The following SHROOM3 variants were observed in gnomAD, a reference collection of about 807,000 sequenced individuals.
SHROOM3 encodes shroom family member 3.
A neutral mutation model predicts 138.6 loss-of-function variants in SHROOM3; 47 were observed. The observed-to-expected ratio is 0.34, with a 90% CI of 0.27 to 0.43. The LOEUF is 0.43. SHROOM3 is among the 20% of genes least tolerant of loss of function. The pLI is 1.00. For synonymous variants in SHROOM3, 1,062 were observed against 1,063.3 expected (o/e 1.00, Z 0.02); for missense variants, 2,491 against 2,596.5 (o/e 0.96, Z 0.88).
At chr4:76,670,674 C>G (rs1266073775) in intron 2 of SHROOM3, among the ~76,000 whole-genome samples, 1 of 152,156 alleles carries the variant, frequency 6.6e-6, no homozygotes, top group Non-Finnish European at 1.5e-5. Context: ...GAGATTTTGG[C>G]TAGGTGCAGT....
chr4:76,711,398 C>T (rs1321203304), intron 3 of SHROOM3, among the ~76,000 whole-genome samples: 2 of 152,196 alleles, frequency 1.3e-5, no homozygotes, highest in African/African-American at 4.8e-5. Flanking sequence ...ATCTTGATTT[C>T]AGTTTGGGAA....
chr4:76,531,955 C>T (rs903876610), intron 1 of SHROOM3, among the ~76,000 whole-genome samples: 1 of 149,212 alleles, frequency 6.7e-6, no homozygotes, highest in Admixed American at 6.8e-5. Flanking sequence ...ATGTGCACAA[C>T]GTGCAGGTTT....
chr4:76,458,374 T>C (rs145406418), intron 1 of SHROOM3, among the ~76,000 whole-genome samples: 77 of 152,302 alleles, frequency 5.1e-4, no homozygotes, highest in African/African-American at 1.7e-3. Context: ...TTTTCCTCTT[T>C]TGTATCTTTT....
chr4:76,592,866 T>C (rs1734302861), intron 2 of SHROOM3, among the ~76,000 whole-genome samples: 1 of 152,124 alleles, frequency 6.6e-6, no homozygotes, highest in Non-Finnish European at 1.5e-5. Context: ...ATAATGAAAA[T>C]AAGGAGTCAA....
At chr4:76,640,452 A>T (rs1307422534) in intron 2 of SHROOM3, among the ~76,000 whole-genome samples, 1 of 152,168 alleles carries the variant, frequency 6.6e-6, no homozygotes, top group African/African-American at 2.4e-5. Context: ...TGCCAAATCC[A>T]TTCTAAATAT....
intron 9 of SHROOM3, among the ~76,000 whole-genome samples, chr4:76,762,316 T>G (rs1722012855): frequency 1.3e-5 from 2 of 152,228 alleles, no homozygotes; most frequent in South Asian, 4.1e-4. Flanking sequence ...AGTATGCAAA[T>G]GTTGATGGCA....
Position 76,459,610 on chromosome 4 carries a change from G to A in SHROOM3, c.168+23390G>A, listed in dbSNP as rs561578827. On this transcript the variant is annotated intron_variant, in intron 1 of 10. Coordinates refer to ENST00000296043, the MANE Select transcript of SHROOM3 (RefSeq NM_020859.4). ...AGGAAAATCTCGCACAGCCAGATAT[G>A]GCGCCATGGGTCACTTTTTCCTTTC... Among the ~76,000 whole-genome samples, 4 of 152,250 alleles carry A rather than the reference G, an allele frequency of 2.6e-5. No individual in the cohort carries two copies. The East Asian group carries it at 7.7e-4, about 29-fold the overall frequency.
intron 2 of SHROOM3, among the ~76,000 whole-genome samples, chr4:76,576,789 C>CA (rs1348721529): frequency 6.6e-6 from 1 of 151,482 alleles, no homozygotes; most frequent in African/African-American, 2.4e-5. Flanking sequence ...TTTATAACCA[C>CA]AAAAATTAAA....
chr4:76,695,761 G>A (rs1163307967), intron 2 of SHROOM3, among the ~76,000 whole-genome samples: 1 of 152,144 alleles, frequency 6.6e-6, no homozygotes, highest in Non-Finnish European at 1.5e-5. Flanking sequence ...AGATACTCTG[G>A]ATTATTGGTC....
chr4:76,485,798 G>T (rs28682543), intron 1 of SHROOM3, among the ~76,000 whole-genome samples: 2,134 of 152,272 alleles, frequency 0.014, 52 homozygotes, highest in African/African-American at 0.049. Flanking sequence ...AGTAGATACA[G>T]GGATGTTTCC....
chr4:76,691,374 C>CA (rs1577976380), intron 2 of SHROOM3, among the ~76,000 whole-genome samples: 2 of 152,136 alleles, frequency 1.3e-5, no homozygotes, highest in East Asian at 3.9e-4. Flanking sequence ...TAGAATTCCT[C>CA]AATTTTGACC....
intron 2 of SHROOM3, among the ~76,000 whole-genome samples, chr4:76,683,848 T>A (rs2110104474): frequency 6.6e-6 from 1 of 152,344 alleles, no homozygotes; most frequent in East Asian, 1.9e-4. Context: ...TTCTTGTTTT[T>A]AAAAAATCCT....
At chr4:76,648,392 A>G (rs761726890) in intron 2 of SHROOM3, among the ~76,000 whole-genome samples, 1 of 152,242 alleles carries the variant, frequency 6.6e-6, no homozygotes, top group Non-Finnish European at 1.5e-5. Flanking sequence ...CTGAGTAACA[A>G]TCCCTGTGGT....
intron 2 of SHROOM3, among the ~76,000 whole-genome samples, chr4:76,642,049 A>T (rs1230314653): frequency 1.3e-5 from 2 of 151,922 alleles, no homozygotes; most frequent in Non-Finnish European, 2.9e-5. Context: ...GATGAGACAC[A>T]CACTTCATGC....
intron 2 of SHROOM3, among the ~76,000 whole-genome samples, chr4:76,676,712 G>C (rs576655316): frequency 3.9e-5 from 6 of 151,978 alleles, no homozygotes; most frequent in Non-Finnish European, 5.9e-5. Flanking sequence ...ATTAAAGGTC[G>C]TTAGAAAAAC....
chr4:76,477,824 G>C lies in SHROOM3; in HGVS notation c.168+41604G>C, dbSNP rs796592922. On this transcript the variant is annotated intron_variant, in intron 1 of 10. Transcript: ENST00000296043. The stretch of plus-strand genomic sequence containing the variant: ...TAGACAGTGGGTGCAGCCCATGGAG[G>C]GTGAGCAGAAGCAGGGTGGGGCATC... 3.9e-5 allele frequency among the ~76,000 whole-genome samples: 6 copies of C among 152,290 alleles called. 1 individual carries two copies. Among genetic ancestry groups the C allele is most frequent in the African/African-American group, 1.4e-4 (6 of 41,562 alleles).
In SHROOM3 at chr4:76,739,044, G is replaced by A; in HGVS notation, c.871G>A (p.Ala291Thr). The A allele has an allele frequency of 6.2e-7, 1 of 1,614,226 alleles. No homozygotes were observed. The highest frequency in any genetic ancestry group is 1.1e-5 in the South Asian group (1 of 91,080). ...ERSGSMDNTSARGGLLEGMRQ... is the reference protein window; with the variant it reads ...ERSGSMDNTSTRGGLLEGMRQ... ...TTCAGGCTCCATGGACAATACTTCT[G>A]CTCGAGGTGGCCTCCTCGAAGGGAT... Residue 291 changes from alanine (A) to threonine (T), a missense_variant, in exon 5 of 11, where the codon GCT (alanine) becomes ACT (threonine). Coordinates refer to ENST00000296043, the MANE Select transcript of SHROOM3 (RefSeq NM_020859.4).
Position 76,436,015 on chromosome 4 carries a change from G to A in SHROOM3, c.-38G>A. 1 of 1,611,846 alleles carries A rather than the reference G, an allele frequency of 6.2e-7. No individual in the cohort carries two copies. On this transcript the variant is annotated 5_prime_UTR_variant, in exon 1 of 11. Coordinates refer to ENST00000296043, the MANE Select transcript of SHROOM3 (RefSeq NM_020859.4). Reference sequence around the variant, plus strand: ...GCACTGCTTGCCTGAGTTTGCTTCAGGCATTTTAAATTTAACTTGAGGGAT... The same window carrying A: ...GCACTGCTTGCCTGAGTTTGCTTCAAGCATTTTAAATTTAACTTGAGGGAT...
intron 2 of SHROOM3, among the ~76,000 whole-genome samples, chr4:76,609,649 T>C (rs73828193): frequency 0.042 from 6,321 of 152,294 alleles, 442 homozygotes; most frequent in African/African-American, 0.14. Context: ...CAAATTACGT[T>C]GTAAACTCTT....
Sources: gnomAD v4.1 joint callset for allele counts (sites outside exome capture counted in the v4.1 genomes callset) on GRCh38, gnomAD v4.1.1 for gene constraint, MANE v1.5 for transcripts, NCBI Gene and HGNC (gene_info 2026-07-23, HGNC 2026-07-21) for gene names.